CNTNAP4: variants seen among roughly 807,000 people sequenced by gnomAD.
The protein encoded by CNTNAP4 is contactin associated protein family member 4.
Under a neutral mutation model 148.4 loss-of-function variants are expected in CNTNAP4, and 98 were observed. The ratio of observed to expected loss-of-function variants is 0.66; its 90% confidence interval spans 0.56 to 0.78. The LOEUF (loss-of-function observed/expected upper bound fraction) is 0.78. Ranked by LOEUF, CNTNAP4 falls within the 30% of genes least tolerant of loss-of-function variation. CNTNAP4 has a pLI of 0.00. For synonymous variants in CNTNAP4, 730 were observed against 565.1 expected, an observed-to-expected ratio of 1.29 and a Z score of -4.14; for missense variants, 1,935 against 1,565.6, an observed-to-expected ratio of 1.24 and a Z score of -3.98.
chr16:76,516,507 C>A (rs1460499735), intron 15 of CNTNAP4, among the ~76,000 whole-genome samples: 2 of 152,238 alleles, frequency 1.3e-5, no homozygotes, highest in African/African-American at 4.8e-5. Flanking sequence ...ACCACACTGT[C>A]TTCCACAATG....
intron 17 of CNTNAP4, among the ~76,000 whole-genome samples, chr16:76,533,932 C>T (rs1372290090): frequency 1.3e-5 from 2 of 152,158 alleles, no homozygotes; most frequent in African/African-American, 4.8e-5. Context: ...CATTTAAATA[C>T]AGCAATTTGG....
intron 3 of CNTNAP4, among the ~76,000 whole-genome samples, chr16:76,369,776 A>G (rs1183324026): frequency 6.6e-6 from 1 of 152,164 alleles, no homozygotes; most frequent in Non-Finnish European, 1.5e-5. Flanking sequence ...TGGGAAGCAG[A>G]TGTTGCAGTG....
At chr16:76,373,615 C>T (rs549583626) in intron 3 of CNTNAP4, among the ~76,000 whole-genome samples, 5 of 152,246 alleles carry the variant, frequency 3.3e-5, no homozygotes, top group African/African-American at 7.2e-5. Flanking sequence ...ACTGGACAGG[C>T]GCAGTGGCTC....
At position 76,460,773 on chromosome 16, in the gene CNTNAP4, A is replaced by AAAAAAAT; in HGVS notation, c.1334-1182_1334-1181insAAAAATA. Among the ~76,000 whole-genome samples, 143 of 57,298 alleles carry AAAAAAAT rather than the reference A, an allele frequency of 2.5e-3. 2 individuals are homozygous for AAAAAAAT. The highest frequency in any genetic ancestry group is 9.0e-3 in the African/African-American group (140 of 15,532). 37.6% of individuals were successfully genotyped at this position (57,298 alleles called of 152,430 possible). The stretch of plus-strand genomic sequence containing the variant: ...TGTCTCAAAAAAAAAAAAAAAAAAA[A>AAAAAAAT]ATATATATATATATATATATATTTA... On this transcript the variant is annotated intron_variant, in intron 8 of 23. Transcript: ENST00000611870.
intron 2 of CNTNAP4, among the ~76,000 whole-genome samples, chr16:76,343,227 A>G (rs1251211877): frequency 1.3e-5 from 2 of 151,992 alleles, no homozygotes; most frequent in African/African-American, 4.8e-5. Context: ...ATGAACTGTG[A>G]TAGGTGGCCT....
intron 12 of CNTNAP4, among the ~76,000 whole-genome samples, chr16:76,480,038 A>G (rs2081759747): frequency 2.0e-5 from 3 of 152,142 alleles, no homozygotes. Context: ...TACAGCCTAT[A>G]TTAGTTTATA....
chr16:76,537,219 A>G (rs2084249322), intron 18 of CNTNAP4, among the ~76,000 whole-genome samples: 1 of 152,194 alleles, frequency 6.6e-6, no homozygotes, highest in Non-Finnish European at 1.5e-5. Context: ...GTATGCACAT[A>G]TTATATTGAA....
At chr16:76,286,010 G>C (rs1222565452) in intron 1 of CNTNAP4, among the ~76,000 whole-genome samples, 2 of 152,032 alleles carry the variant, frequency 1.3e-5, no homozygotes, top group African/African-American at 4.8e-5. Flanking sequence ...TGCTCTAAAA[G>C]AGTGCATGTA....
In CNTNAP4 at chr16:76,400,888, A is replaced by C. The variant is rs115819898; in HGVS notation, c.391-26564A>C. ...ATTTCTGGGTACTCTGTTCTGTTCCACTGGTCTATGTGTCTGTTTGATACC... is the reference window on the plus strand; with the variant it reads ...ATTTCTGGGTACTCTGTTCTGTTCCCCTGGTCTATGTGTCTGTTTGATACC... On this transcript the variant is annotated intron_variant, in intron 3 of 23. Coordinates refer to ENST00000611870, the MANE Select transcript of CNTNAP4 (RefSeq NM_033401.5). Among the ~76,000 whole-genome samples the C allele has an allele frequency of 5.8e-3, 883 of 152,126 alleles. 12 individuals are homozygous for C. The highest frequency in any genetic ancestry group is 0.02 in the African/African-American group (813 of 41,504).
intron 1 of CNTNAP4, among the ~76,000 whole-genome samples, chr16:76,291,598 T>G (rs1485677940): frequency 6.6e-6 from 1 of 152,214 alleles, no homozygotes; most frequent in Non-Finnish European, 1.5e-5. Context: ...TCTCAAAAGT[T>G]GATTGTACAG....
intron 17 of CNTNAP4, among the ~76,000 whole-genome samples, chr16:76,529,306 T>C (rs1162057717): frequency 4.6e-5 from 7 of 152,146 alleles, no homozygotes; most frequent in Non-Finnish European, 5.9e-5. Context: ...CTGCCTCTTA[T>C]TGTCTTCTAA....
intron 4 of CNTNAP4, among the ~76,000 whole-genome samples, chr16:76,441,853 C>G (rs2080054720): frequency 6.6e-6 from 1 of 152,124 alleles, no homozygotes; most frequent in South Asian, 2.1e-4. Flanking sequence ...AATTGTGTGT[C>G]AGCTTCTAAA....
intron 3 of CNTNAP4, among the ~76,000 whole-genome samples, chr16:76,391,529 C>T (rs1042225562): frequency 6.6e-6 from 1 of 152,202 alleles, no homozygotes; most frequent in African/African-American, 2.4e-5. Context: ...ATTTTATGCT[C>T]AACCAGGTTG....
chr16:76,444,737 T>C (rs2080176856), intron 4 of CNTNAP4, among the ~76,000 whole-genome samples: 1 of 152,224 alleles, frequency 6.6e-6, no homozygotes, highest in South Asian at 2.1e-4. Flanking sequence ...AAAATAATAC[T>C]GTTAAAAATC....
chr16:76,412,700 G>C (rs1373107973), intron 3 of CNTNAP4, among the ~76,000 whole-genome samples: 1 of 150,918 alleles, frequency 6.6e-6, no homozygotes, highest in Non-Finnish European at 1.5e-5. Flanking sequence ...TCATTGCTTT[G>C]TAGTTCACTA....
At chr16:76,326,879 A>C (rs568656251) in intron 2 of CNTNAP4, among the ~76,000 whole-genome samples, 1 of 152,230 alleles carries the variant, frequency 6.6e-6, no homozygotes, top group African/African-American at 2.4e-5. Flanking sequence ...CAGCACACCA[A>C]CATGGCACAT....
At chr16:76,464,040 C>T (rs2081083816) in intron 9 of CNTNAP4, among the ~76,000 whole-genome samples, 1 of 152,138 alleles carries the variant, frequency 6.6e-6, no homozygotes, top group South Asian at 2.1e-4. Flanking sequence ...ACAAGCCCTG[C>T]AAAATCCAGG....
At chr16:76,438,293 G>A (rs534805303) in intron 4 of CNTNAP4, among the ~76,000 whole-genome samples, 90 of 152,214 alleles carry the variant, frequency 5.9e-4, no homozygotes, top group Non-Finnish European at 1.1e-3. Flanking sequence ...CAGCCCTAGA[G>A]AAAGCACGAG....
chr16:76,410,668 C>T (rs533095928), intron 3 of CNTNAP4, among the ~76,000 whole-genome samples: 3 of 151,822 alleles, frequency 2.0e-5, no homozygotes, highest in Non-Finnish European at 4.4e-5. Context: ...AATACTCTCT[C>T]TTTTGACTTT....
Sources: gnomAD v4.1 joint callset for allele counts (sites outside exome capture counted in the v4.1 genomes callset) on GRCh38, gnomAD v4.1.1 for gene constraint, MANE v1.5 for transcripts, NCBI Gene and HGNC (gene_info 2026-07-23, HGNC 2026-07-21) for gene names.